Variants in CELF2 observed in about 807,000 individuals in gnomAD.
CELF2 encodes the protein CUG triplet repeat RNA-binding protein 2.
CELF2 carries 8 observed loss-of-function variants against 62.6 expected under a neutral mutation model. The observed-to-expected ratio is 0.13, with a 90% CI of 0.07 to 0.23. CELF2 has a LOEUF of 0.23. Ranked by LOEUF, CELF2 falls within the 10% of genes least tolerant of loss-of-function variation. The pLI, the probability that CELF2 is intolerant of heterozygous loss-of-function variation, is 1.00. For missense variants in CELF2, 333 were observed against 671.0 expected (o/e 0.50, Z 5.56); for synonymous variants, 258 against 250.0 (o/e 1.03, Z -0.30).
the CELF2 span, among the ~76,000 whole-genome samples, chr10:10,597,957 C>A: frequency 4.8e-4 from 73 of 152,076 alleles, no homozygotes; most frequent in Non-Finnish European, 8.4e-4. Flanking sequence ...TAGGCATGAG[C>A]CCTTTAATGA....
chr10:11,274,950 A>G, intron 7 of CELF2, 107 bp from the exon 8 acceptor site: 1 of 1,053,702 alleles, frequency 9.5e-7, no homozygotes, highest in South Asian at 1.3e-5. Context: ...AGTAGGGAGT[A>G]GCAACCAACC....
the CELF2 span, among the ~76,000 whole-genome samples, chr10:10,466,542 G>A: frequency 1.9e-3 from 285 of 152,166 alleles, no homozygotes; most frequent in African/African-American, 6.0e-3. Context: ...TGTAGGCATA[G>A]GTGTTTCTCT....
Position 11,251,037 on chromosome 10 carries a change from C to G in CELF2, c.403+1836C>G, listed in dbSNP as rs141436096. ...TGACTCTTGTATTTTGGGATGAATCCTGTTGGTACAAGTCATCTCAGAGTG... is the reference window on the plus strand; with the variant it reads ...TGACTCTTGTATTTTGGGATGAATCGTGTTGGTACAAGTCATCTCAGAGTG... On this transcript the variant is annotated intron_variant, in intron 4 of 12. Transcript: ENST00000633077. 5.3e-3 allele frequency among the ~76,000 whole-genome samples: 807 copies of G among 152,228 alleles called. 3 individuals carry two copies. Among genetic ancestry groups the G allele is most frequent in the Non-Finnish European group, 8.2e-3 (559 of 68,002 alleles).
At chr10:10,984,489 C>T (rs1055662770) in intron 2 of CELF2, among the ~76,000 whole-genome samples, 14 of 152,316 alleles carry the variant, frequency 9.2e-5, no homozygotes, top group Admixed American at 7.8e-4. Context: ...TTGATTCTGA[C>T]TCTAATGATA....
chr10:11,111,346 A>C (rs778985256), intron 1 of CELF2, among the ~76,000 whole-genome samples: 1 of 152,228 alleles, frequency 6.6e-6, no homozygotes, highest in Non-Finnish European at 1.5e-5. Flanking sequence ...GTAGCTTCAT[A>C]GAGTGGATTC....
At chr10:11,179,265 C>A (rs1360799398) in intron 2 of CELF2, among the ~76,000 whole-genome samples, 2 of 145,378 alleles carry the variant, frequency 1.4e-5, no homozygotes, top group African/African-American at 5.1e-5. Flanking sequence ...AAAATAGGCA[C>A]GTAATACTGT....
intron 1 of CELF2, among the ~76,000 whole-genome samples, chr10:11,083,081 C>T (rs574687088): frequency 1.5e-4 from 23 of 152,186 alleles, no homozygotes; most frequent in Admixed American, 2.6e-4. Flanking sequence ...GGGTCCCATC[C>T]CAGGACACAG....
chr10:10,984,950 C>A (rs947173134), intron 2 of CELF2, among the ~76,000 whole-genome samples: 3 of 152,032 alleles, frequency 2.0e-5, no homozygotes, highest in Admixed American at 1.3e-4. Flanking sequence ...AGAAGAGAAA[C>A]GGGCATGTGA....
chr10:11,146,577 T>C (rs1263894908), intron 1 of CELF2, among the ~76,000 whole-genome samples: 1 of 152,216 alleles, frequency 6.6e-6, no homozygotes, highest in East Asian at 1.9e-4. Context: ...AGAAAGTGGA[T>C]TGGAGAAGAA....
intron 2 of CELF2, among the ~76,000 whole-genome samples, chr10:10,941,991 C>CAA (rs3029016): frequency 8.8e-6 from 1 of 113,276 alleles, no homozygotes. Flanking sequence ...GACTCTGTCT[C>CAA]AAAAAAAAAA....
chr10:10,679,821 G>A, the CELF2 span, among the ~76,000 whole-genome samples: 3 of 152,110 alleles, frequency 2.0e-5, no homozygotes, highest in South Asian at 6.2e-4. Flanking sequence ...ATAAATACAT[G>A]AATGTTACAT....
chr10:11,049,046 T>C (rs2063384275), intron 1 of CELF2, among the ~76,000 whole-genome samples: 1 of 151,968 alleles, frequency 6.6e-6, no homozygotes, highest in Admixed American at 6.6e-5. Flanking sequence ...TGTAACCTAT[T>C]ACCATGAGAA....
chr10:10,714,736 G>A, the CELF2 span, among the ~76,000 whole-genome samples: 7 of 152,002 alleles, frequency 4.6e-5, no homozygotes, highest in Non-Finnish European at 7.4e-5. Context: ...TGTAAAAGTG[G>A]GCATGTTTAA....
At chr10:11,199,750 A>T (rs145173077) in intron 2 of CELF2, among the ~76,000 whole-genome samples, 3 of 152,324 alleles carry the variant, frequency 2.0e-5, no homozygotes, top group East Asian at 3.9e-4. Context: ...TTTTTATTCT[A>T]TGCAAAATCT....
At chr10:11,147,692 A>G (rs2062538772) in intron 1 of CELF2, among the ~76,000 whole-genome samples, 1 of 152,228 alleles carries the variant, frequency 6.6e-6, no homozygotes, top group Non-Finnish European at 1.5e-5. Flanking sequence ...CTTGTATTTA[A>G]TGCAGAATTT....
At chr10:10,869,102 A>G (rs888401706) in intron 1 of CELF2, among the ~76,000 whole-genome samples, 15 of 152,136 alleles carry the variant, frequency 9.9e-5, no homozygotes, top group African/African-American at 3.4e-4. Context: ...ACTTTTTTTA[A>G]TAGTAACATG....
At chr10:11,106,429 G>A (rs2053523603) in intron 1 of CELF2, among the ~76,000 whole-genome samples, 1 of 152,096 alleles carries the variant, frequency 6.6e-6, no homozygotes, top group African/African-American at 2.4e-5. Context: ...TAGAGACAAG[G>A]TTTTGCCATG....
At chr10:10,798,231 C>T (rs184521942), upstream of CELF2, among the ~76,000 whole-genome samples, 43 of 152,222 alleles carry the variant, frequency 2.8e-4, no homozygotes, top group Non-Finnish European at 3.4e-4. Flanking sequence ...AGCTCTAAGC[C>T]CAGTGTCAGA....
intron 2 of CELF2, among the ~76,000 whole-genome samples, chr10:10,980,049 A>G (rs1310965821): frequency 1.3e-5 from 2 of 152,256 alleles, no homozygotes; most frequent in East Asian, 3.8e-4. Flanking sequence ...ACATAATTCA[A>G]TTCAAAGTCA....
Sources: gnomAD v4.1 joint callset for allele counts (sites outside exome capture counted in the v4.1 genomes callset) on GRCh38, gnomAD v4.1.1 for gene constraint, MANE v1.5 for transcripts, NCBI Gene and HGNC (gene_info 2026-07-23, HGNC 2026-07-21) for gene names.